Variants in PHF14 observed in about 807,000 individuals in gnomAD.
The protein encoded by PHF14 is PHD finger protein 14.
Under a neutral mutation model 117.9 loss-of-function variants are expected in PHF14, and 55 were observed. The ratio of observed to expected loss-of-function variants is 0.47; its 90% CI spans 0.38 to 0.58. The LOEUF (loss-of-function observed/expected upper bound fraction) is 0.58, where lower values mean the gene tolerates loss of function less well. Among genes scored for constraint, PHF14 ranks in the 20% least tolerant of loss-of-function variants. The pLI is 0.00. For missense variants in PHF14, 978 were observed against 1,122.2 expected (o/e 0.87, Z 1.84); for synonymous variants, 409 against 368.6 (o/e 1.11, Z -1.26).
intron 16 of PHF14, among the ~76,000 whole-genome samples, chr7:11,072,035 A>C (rs572682681): frequency 6.6e-6 from 1 of 152,342 alleles, no homozygotes; most frequent in East Asian, 1.9e-4. Context: ...GCTGAGTTGT[A>C]TTAGTCCATT....
chr7:11,095,051 T>G (rs1786793784), intron 16 of PHF14, among the ~76,000 whole-genome samples: 1 of 152,098 alleles, frequency 6.6e-6, no homozygotes, highest in African/African-American at 2.4e-5. Context: ...GGAACACAAG[T>G]CAACTGCCAG....
chr7:11,074,831 A>G (rs918767958), intron 16 of PHF14, among the ~76,000 whole-genome samples: 12 of 152,034 alleles, frequency 7.9e-5, no homozygotes, highest in African/African-American at 2.9e-4. Flanking sequence ...ATACTCTAAG[A>G]AGTTCCAAAT....
intron 16 of PHF14, among the ~76,000 whole-genome samples, chr7:11,089,384 G>A (rs971369079): frequency 2.6e-5 from 4 of 152,022 alleles, no homozygotes; most frequent in East Asian, 1.9e-4. Flanking sequence ...TGAACACACC[G>A]TGGTTTCTCT....
intron 5 of PHF14, among the ~76,000 whole-genome samples, chr7:11,016,340 A>C (rs1288011683): frequency 3.9e-5 from 6 of 152,170 alleles, no homozygotes; most frequent in Non-Finnish European, 8.8e-5. Context: ...AATGGAAAAC[A>C]GGGAAAAAGA....
intron 16 of PHF14, among the ~76,000 whole-genome samples, chr7:11,064,045 G>C (rs1785335497): frequency 1.3e-5 from 2 of 151,748 alleles, no homozygotes; most frequent in African/African-American, 4.8e-5. Context: ...GTAATGTAGA[G>C]GAAATTAAAT....
intron 16 of PHF14, among the ~76,000 whole-genome samples, chr7:11,072,206 G>C (rs996311377): frequency 1.3e-5 from 2 of 152,142 alleles, no homozygotes; most frequent in African/African-American, 4.8e-5. Flanking sequence ...GGGGGTAAAG[G>C]CATCTTATGT....
intron 7 of PHF14, 145 bp downstream of exon 7, chr7:11,028,963 A>G (rs1330752810): frequency 1.5e-6 from 1 of 649,454 alleles, no homozygotes; most frequent in South Asian, 2.7e-5. Flanking sequence ...AAACTTTAAG[A>G]GTAAATGCCT....
chr7:11,010,174 T>G (rs879445800), intron 4 of PHF14, among the ~76,000 whole-genome samples: 3 of 152,162 alleles, frequency 2.0e-5, no homozygotes, highest in Non-Finnish European at 4.4e-5. Flanking sequence ...CATGTGGTAT[T>G]GCATAGCACA....
chr7:11,109,707 C>A (rs1195692463), intron 16 of PHF14: 1 of 151,722 alleles, frequency 6.6e-6, no homozygotes, highest in Non-Finnish European at 1.5e-5. Context: ...ATTTATTATT[C>A]TTTCTTAATG....
chr7:11,082,902 TTTTC>T (rs991200868), intron 16 of PHF14, among the ~76,000 whole-genome samples: 10 of 152,182 alleles, frequency 6.6e-5, no homozygotes, highest in Non-Finnish European at 1.3e-4. Flanking sequence ...TTTCTTCTCT[TTTTC>T]TTTCTTTCTG....
intron 4 of PHF14, among the ~76,000 whole-genome samples, chr7:10,996,768 G>A (rs752548688): frequency 1.1e-4 from 17 of 152,174 alleles, no homozygotes; most frequent in Non-Finnish European, 1.8e-4. Context: ...GTGTTGATAT[G>A]TTTTGGCTTA....
chr7:11,013,353 G>A (rs1783418718), intron 4 of PHF14, among the ~76,000 whole-genome samples: 1 of 152,006 alleles, frequency 6.6e-6, no homozygotes. Context: ...GGAGAGATGA[G>A]GTTTCACCGT....
chr7:11,007,598 A>G (rs571551477), intron 4 of PHF14, among the ~76,000 whole-genome samples: 70 of 152,304 alleles, frequency 4.6e-4, no homozygotes, highest in African/African-American at 1.6e-3. Context: ...TCAGCCATGC[A>G]ATTTTTAAAA....
intron 16 of PHF14, among the ~76,000 whole-genome samples, chr7:11,078,693 G>A (rs1019124144): frequency 1.3e-5 from 2 of 151,972 alleles, no homozygotes; most frequent in South Asian, 2.1e-4. Context: ...TTGACCCATC[G>A]TATTTTTAAA....
intron 13 of PHF14, among the ~76,000 whole-genome samples, chr7:11,049,577 A>G (rs922026427): frequency 1.3e-5 from 2 of 152,140 alleles, no homozygotes; most frequent in South Asian, 4.2e-4. Flanking sequence ...TTACAATTTA[A>G]TGCTGAAAAG....
rs191481650 is a variant in PHF14 at position 11,018,991 on chromosome 7, A to C, written c.1206-3877A>C. ...AAATGCTTTTTCAGCATCAGTTGAA[A>C]TGATCATATGGTTTTTATCCTTCAT... On this transcript the variant is annotated intron_variant, in intron 5 of 17. Coordinates refer to ENST00000634607, the MANE Select transcript of PHF14 (RefSeq NM_001007157.2). Among the ~76,000 whole-genome samples, 21 of 152,324 alleles carry C rather than the reference A, an allele frequency of 1.4e-4. 1 individual carries two copies. In the South Asian group the frequency reaches 4.3e-3, roughly 32 times the overall value.
At chr7:11,014,171 A>G (rs1300389331) in intron 5 of PHF14, among the ~76,000 whole-genome samples, 1 of 152,162 alleles carries the variant, frequency 6.6e-6, no homozygotes, top group Non-Finnish European at 1.5e-5. Context: ...AACGTTTCTC[A>G]TTTTATAGGT....
intron 2 of PHF14, among the ~76,000 whole-genome samples, chr7:10,977,212 C>T (rs772423675): frequency 3.9e-5 from 6 of 151,970 alleles, no homozygotes; most frequent in Non-Finnish European, 7.4e-5. Flanking sequence ...GCCCTACTTA[C>T]GAATAGGAGA....
chr7:11,003,192 G>T (rs974847123), intron 4 of PHF14, among the ~76,000 whole-genome samples: 1 of 152,166 alleles, frequency 6.6e-6, no homozygotes, highest in African/African-American at 2.4e-5. Context: ...GCCCGCCTTG[G>T]CCTCCCAAAG....
Sources: allele counts gnomAD v4.1 joint callset (sites outside exome capture counted in the v4.1 genomes callset), GRCh38; gene constraint gnomAD v4.1.1; transcripts MANE v1.5; gene names NCBI Gene and HGNC (gene_info 2026-07-23, HGNC 2026-07-21).